TRIM9: variants seen among roughly 807,000 people sequenced by gnomAD.
TRIM9 encodes tripartite motif containing 9.
In TRIM9, 26 loss-of-function variants were observed where a neutral mutation model predicts 78.3. The observed-to-expected ratio is 0.33, with a 90% CI of 0.24 to 0.46. The LOEUF (loss-of-function observed/expected upper bound fraction) is 0.46, where lower values mean the gene tolerates loss of function less well. Among genes scored for constraint, TRIM9 ranks in the 20% least tolerant of loss-of-function variants. The pLI is 1.00. For missense variants in TRIM9, 787 were observed against 1,036.4 expected (o/e 0.76, Z 3.30); for synonymous variants, 398 against 416.5 (o/e 0.96, Z 0.54).
intron 7 of TRIM9, among the ~76,000 whole-genome samples, chr14:50,987,607 TTC>T (rs1413602907): frequency 6.6e-6 from 1 of 152,180 alleles, no homozygotes; most frequent in Non-Finnish European, 1.5e-5. Context: ...GTATTATCAT[TTC>T]TTTCTTCAGA....
At chr14:50,993,364 C>T (rs897177176) in intron 7 of TRIM9, among the ~76,000 whole-genome samples, 1 of 151,034 alleles carries the variant, frequency 6.6e-6, no homozygotes, top group Non-Finnish European at 1.5e-5. Flanking sequence ...CTCTTTTCAA[C>T]AAGACTCTTT....
At chr14:51,018,831 AT>A (rs974260120) in intron 3 of TRIM9, among the ~76,000 whole-genome samples, 101 of 152,176 alleles carry the variant, frequency 6.6e-4, no homozygotes, top group Non-Finnish European at 1.1e-3. Context: ...TAACTGTAAC[AT>A]TTTTTTTCTT....
chr14:51,054,296 A>ATTTG (rs2060704123), intron 1 of TRIM9, among the ~76,000 whole-genome samples: 1 of 45,584 alleles, frequency 2.2e-5, no homozygotes, highest in African/African-American at 7.0e-5. Flanking sequence ...ATTTATACTC[A>ATTTG]TTTGTTGTTG....
At chr14:50,996,686 G>A in intron 7 of TRIM9, 1 of 985,432 alleles carries the variant, frequency 1.0e-6, no homozygotes, top group Non-Finnish European at 1.2e-6. Context: ...AGTTAGTATG[G>A]TATTTTGAGA....
At chr14:50,998,465 CA>C (rs1294140377) in intron 6 of TRIM9, among the ~76,000 whole-genome samples, 1 of 152,136 alleles carries the variant, frequency 6.6e-6, no homozygotes, top group Non-Finnish European at 1.5e-5. Context: ...ATGGGCCAGG[CA>C]GCCTAATGAA....
In TRIM9 at chr14:51,071,333, G is replaced by A. The variant is rs866329295; in HGVS notation, c.822+22785C>T. Among the ~76,000 whole-genome samples, 7 of 144,944 alleles carry A rather than the reference G, an allele frequency of 4.8e-5. No individual in the cohort carries two copies. In the South Asian group the frequency reaches 8.7e-4, roughly 18 times the overall value. ...GGAGGTTGTGCTGAGCCGAGACTGC[G>A]CCATTGTATTCCAGCCTGGGCAACA... On this transcript the variant is annotated intron_variant, in intron 1 of 12. Coordinates refer to ENST00000684578, the MANE Select transcript of TRIM9 (RefSeq NM_001387360.1).
intron 1 of TRIM9, 72 bp downstream of exon 1, chr14:51,094,046 C>T: frequency 6.8e-7 from 1 of 1,479,184 alleles, no homozygotes; most frequent in Non-Finnish European, 9.2e-7. Flanking sequence ...GCGCAAGAGA[C>T]GGGGACCGTC....
intron 1 of TRIM9, among the ~76,000 whole-genome samples, chr14:51,082,816 C>T (rs948873072): frequency 2.0e-5 from 3 of 152,180 alleles, no homozygotes; most frequent in Non-Finnish European, 2.9e-5. Flanking sequence ...GAGCAAGCCA[C>T]CTCAACTTTG....
rs1162199355 is a variant in TRIM9 at position 50,977,349 on chromosome 14, G to A, written c.2330C>T (p.Thr777Met). 8 of 1,542,214 alleles carry A rather than the reference G, an allele frequency of 5.2e-6. No homozygotes were observed. The highest frequency in any genetic ancestry group is 1.7e-4 in the Middle Eastern group (1 of 5,810). Residue 777 changes from threonine to methionine, a missense_variant, in exon 13 of 13, where the codon ACG becomes ATG. Around this residue, in one of 3 missense-constraint regions of TRIM9, gnomAD observed 421 missense variants for 514.3 expected, o/e 0.82. Coordinates refer to ENST00000684578, the MANE Select transcript of TRIM9 (RefSeq NM_001387360.1). ...GGGGACTGGGAGCCCGGTGTGCAGC[G>A]TGACCTGGGGAATGAGACTGTGAGT... ...AVSLNRNVQVTLHTGLPVPDF... is the reference protein window; with the variant it reads ...AVSLNRNVQVMLHTGLPVPDF...
intron 7 of TRIM9, among the ~76,000 whole-genome samples, chr14:50,988,816 C>A (rs1273508895): frequency 6.6e-6 from 1 of 152,172 alleles, no homozygotes; most frequent in Non-Finnish European, 1.5e-5. Context: ...GCTGGGTCAG[C>A]TGCCTGTAAG....
intron 1 of TRIM9, among the ~76,000 whole-genome samples, chr14:51,066,251 A>G (rs933753028): frequency 6.6e-6 from 1 of 152,022 alleles, no homozygotes; most frequent in Non-Finnish European, 1.5e-5. Context: ...TTCATCTTTC[A>G]TTCTCTCTTC....
At chr14:51,046,373 A>G (rs1315019897) in intron 1 of TRIM9, among the ~76,000 whole-genome samples, 1 of 152,188 alleles carries the variant, frequency 6.6e-6, no homozygotes, top group Non-Finnish European at 1.5e-5. Flanking sequence ...ATGGGAATAA[A>G]ATCAGTGTAC....
intron 1 of TRIM9, among the ~76,000 whole-genome samples, chr14:51,071,379 A>G (rs1462465006): frequency 8.2e-6 from 1 of 122,024 alleles, no homozygotes; most frequent in Non-Finnish European, 1.8e-5. Context: ...TCCGTCTAAA[A>G]AAAAAAAGAA....
chr14:51,031,055 G>C (rs1398153879), intron 1 of TRIM9, among the ~76,000 whole-genome samples: 1 of 146,670 alleles, frequency 6.8e-6, no homozygotes, highest in Non-Finnish European at 1.5e-5. Context: ...GGCTTAGGCA[G>C]GAAAATCGCT....
chr14:50,985,162 G>A (rs2052528423), intron 8 of TRIM9, among the ~76,000 whole-genome samples: 1 of 152,244 alleles, frequency 6.6e-6, no homozygotes, highest in African/African-American at 2.4e-5. Context: ...TTGCTAGGCA[G>A]TGTTCGCTAC....
chr14:51,067,893 A>G (rs2061886010), intron 1 of TRIM9, among the ~76,000 whole-genome samples: 2 of 152,216 alleles, frequency 1.3e-5, no homozygotes, highest in African/African-American at 2.4e-5. Context: ...TATTTCTTCC[A>G]ACAGAATTAA....
intron 1 of TRIM9, among the ~76,000 whole-genome samples, chr14:51,053,580 C>CTTTTTTTTTTTTTTTATTTTTT (rs1348456935): frequency 2.7e-5 from 2 of 74,812 alleles, no homozygotes; most frequent in Non-Finnish European, 5.5e-5. Flanking sequence ...TTTTAATTTT[C>CTTTTTTTTTTTTTTTATTTTTT]TTTTTTTTTT....
intron 7 of TRIM9, chr14:50,986,444 G>A (rs2052724194): frequency 4.6e-6 from 1 of 218,862 alleles, no homozygotes; most frequent in Non-Finnish European, 8.9e-6. Flanking sequence ...TTTTAGAATT[G>A]AATGTACAAA....
chr14:51,073,717 T>C (rs1235477022), intron 1 of TRIM9, among the ~76,000 whole-genome samples: 3 of 152,260 alleles, frequency 2.0e-5, no homozygotes, highest in Non-Finnish European at 4.4e-5. Context: ...TTCTGATTTA[T>C]TGCTAATTAC....
Sources: gnomAD v4.1 joint callset for allele counts (sites outside exome capture counted in the v4.1 genomes callset) on GRCh38, gnomAD v4.1.1 for gene constraint, gnomAD v4.1.1 regional missense constraint, MANE v1.5 for transcripts, NCBI Gene and HGNC (gene_info 2026-07-23, HGNC 2026-07-21) for gene names.